Variants in CPA6 observed in about 807,000 individuals in gnomAD.
CPA6 encodes the protein carboxypeptidase A6, also known as carboxypeptidase B.
In CPA6, 58 loss-of-function variants were observed where a neutral mutation model predicts 63.3. The observed-to-expected ratio is 0.92, with a 90% CI of 0.74 to 1.14. The LOEUF is 1.14. CPA6 is among the 50% of genes most tolerant of loss of function. CPA6 has a pLI of 0.00. For synonymous variants in CPA6, 185 were observed against 179.0 expected (o/e 1.03, Z -0.27); for missense variants, 565 against 526.6 (o/e 1.07, Z -0.71).
intron 2 of CPA6, among the ~76,000 whole-genome samples, chr8:67,590,651 AT>A (rs1814094363): frequency 6.6e-6 from 1 of 152,030 alleles, no homozygotes; most frequent in Admixed American, 6.6e-5. Flanking sequence ...GATGATGAGC[AT>A]TTTTTCATGT....
chr8:67,583,174 G>T (rs149029018), intron 2 of CPA6, among the ~76,000 whole-genome samples: 1 of 152,088 alleles, frequency 6.6e-6, no homozygotes, highest in Admixed American at 6.6e-5. Context: ...CTGGGTAGTT[G>T]CGTGAAGATT....
At chr8:67,739,185 A>G (rs1365980874) in intron 1 of CPA6, among the ~76,000 whole-genome samples, 1 of 152,146 alleles carries the variant, frequency 6.6e-6, no homozygotes, top group Non-Finnish European at 1.5e-5. Context: ...TGACCCCCAT[A>G]CAGTCTGCCT....
chr8:67,525,355 G>A (rs1994221), intron 2 of CPA6, among the ~76,000 whole-genome samples: 62,167 of 152,016 alleles, frequency 0.41, 13,377 homozygotes, highest in African/African-American at 0.56. Context: ...CTAATTAGGC[G>A]TTGAAATAAT....
At chr8:67,601,317 A>G (rs557525542) in intron 2 of CPA6, among the ~76,000 whole-genome samples, 12 of 152,300 alleles carry the variant, frequency 7.9e-5, no homozygotes, top group African/African-American at 2.9e-4. Context: ...CACACTTTTA[A>G]AAACAACATA....
At chr8:67,728,852 G>C (rs944275378) in intron 1 of CPA6, among the ~76,000 whole-genome samples, 2 of 152,188 alleles carry the variant, frequency 1.3e-5, no homozygotes, top group South Asian at 2.1e-4. Flanking sequence ...GGATGGAGCT[G>C]GTGGTCCGAA....
Position 67,680,392 on chromosome 8 carries a change from A to G in CPA6, c.117-56141T>C, listed in dbSNP as rs558135229. Among the ~76,000 whole-genome samples, 10 of 151,206 alleles carry G rather than the reference A, an allele frequency of 6.6e-5. No individual in the cohort carries two copies. The East Asian group carries it at 2.0e-3, about 30-fold the overall frequency. The stretch of plus-strand genomic sequence containing the variant: ...GTGGTGTGTGTATGTAGTCCTAGCT[A>G]TTTAGGAGGCTGAGGTGGGAGGTCA... On this transcript the variant is annotated intron_variant, in intron 1 of 10. Transcript: ENST00000297770.
At position 67,703,932 on chromosome 8, in the gene CPA6, T is replaced by TG. The variant is rs1554536417; in HGVS notation, c.116+42081_116+42082insC. On this transcript the variant is annotated intron_variant, in intron 1 of 10. Coordinates refer to ENST00000297770, the MANE Select transcript of CPA6 (RefSeq NM_020361.5). ...GACCCCACTTACATGCTGCTTTTTT[T>TG]TTGTTGTTGTTGTTGTTTTTGTTTT... is the stretch of plus-strand genomic sequence containing the variant. Among the ~76,000 whole-genome samples, 551 of 150,120 alleles carry TG rather than the reference T, an allele frequency of 3.7e-3. 3 individuals carry two copies. The highest frequency in any genetic ancestry group is 0.013 in the African/African-American group (507 of 39,818).
chr8:67,692,199 G>C (rs1476006028), intron 1 of CPA6, among the ~76,000 whole-genome samples: 3 of 152,090 alleles, frequency 2.0e-5, no homozygotes, highest in Non-Finnish European at 2.9e-5. Flanking sequence ...AGCCGGGCAT[G>C]GTGGCGCATG....
chr8:67,671,867 A>G (rs1563386596), intron 1 of CPA6, among the ~76,000 whole-genome samples: 1 of 152,080 alleles, frequency 6.6e-6, no homozygotes, highest in East Asian at 1.9e-4. Flanking sequence ...ATTTCACTCT[A>G]TTGTGCAGGC....
At chr8:67,639,304 TC>T (rs754322054) in intron 1 of CPA6, among the ~76,000 whole-genome samples, 1 of 151,640 alleles carries the variant, frequency 6.6e-6, no homozygotes, top group African/African-American at 2.4e-5. Flanking sequence ...CCTGCTGGGC[TC>T]CTTCTGTTCT....
intron 2 of CPA6, among the ~76,000 whole-genome samples, chr8:67,521,161 C>T (rs538799918): frequency 3.9e-5 from 6 of 152,356 alleles, no homozygotes; most frequent in African/African-American, 1.4e-4. Flanking sequence ...CTGCAAGCAG[C>T]CATCTGATAC....
rs529593039 is a variant in CPA6 at position 67,536,303 on chromosome 8, C to T, written c.193-18256G>A. Reference sequence around the variant, plus strand: ...ACTTCTGGAAGTATGGCTATTTTCACGATATTGATTCTTCCTATCCATGAG... The same window carrying T: ...ACTTCTGGAAGTATGGCTATTTTCATGATATTGATTCTTCCTATCCATGAG... On this transcript the variant is annotated intron_variant, in intron 2 of 10. Coordinates refer to ENST00000297770, the MANE Select transcript of CPA6 (RefSeq NM_020361.5). Among the ~76,000 whole-genome samples, 28 of 152,264 alleles carry T rather than the reference C, an allele frequency of 1.8e-4. 1 individual carries two copies. The highest frequency in any genetic ancestry group is 1.4e-3 in the Admixed American group (21 of 15,294).
At chr8:67,586,652 A>G (rs995843144) in intron 2 of CPA6, among the ~76,000 whole-genome samples, 1 of 152,200 alleles carries the variant, frequency 6.6e-6, no homozygotes, top group African/African-American at 2.4e-5. Flanking sequence ...TGTTATGATT[A>G]AATAAGTCTG....
intron 2 of CPA6, among the ~76,000 whole-genome samples, chr8:67,558,505 T>C (rs1259871868): frequency 6.6e-6 from 1 of 152,216 alleles, no homozygotes; most frequent in African/African-American, 2.4e-5. Flanking sequence ...TCAATGTAAA[T>C]TTATTACTTT....
At chr8:67,668,040 A>C (rs1402251853) in intron 1 of CPA6, among the ~76,000 whole-genome samples, 1 of 152,226 alleles carries the variant, frequency 6.6e-6, no homozygotes, top group East Asian at 1.9e-4. Flanking sequence ...ATGGGTTTTA[A>C]AAAAGAGCCA....
At chr8:67,596,672 T>C (rs1814346212) in intron 2 of CPA6, among the ~76,000 whole-genome samples, 1 of 152,222 alleles carries the variant, frequency 6.6e-6, no homozygotes, top group Non-Finnish European at 1.5e-5. Context: ...TAGTACACGC[T>C]AATCTATAGA....
In CPA6 at chr8:67,687,953, G is replaced by A. The variant is rs186928210; in HGVS notation, c.116+58061C>T. ...TCCTAGTATGAAATAGATAATGGCA[G>A]TTACATTTATTAAAAATGATCACTT... On this transcript the variant is annotated intron_variant, in intron 1 of 10. Coordinates refer to ENST00000297770, the MANE Select transcript of CPA6 (RefSeq NM_020361.5). 4.9e-3 allele frequency among the ~76,000 whole-genome samples: 744 copies of A among 152,192 alleles called. 9 individuals carry two copies. The highest frequency in any genetic ancestry group is 0.017 in the African/African-American group (718 of 41,514).
At chr8:67,554,383 G>A (rs1301921636) in intron 2 of CPA6, among the ~76,000 whole-genome samples, 1 of 152,092 alleles carries the variant, frequency 6.6e-6, no homozygotes, top group South Asian at 2.1e-4. Context: ...AAACAACCAG[G>A]TTTCATGAGA....
chr8:67,720,409 CCTG>C (rs1477150167), intron 1 of CPA6, among the ~76,000 whole-genome samples: 1 of 152,166 alleles, frequency 6.6e-6, no homozygotes, highest in Non-Finnish European at 1.5e-5. Context: ...GGCTCAGAGG[CCTG>C]ACAGAAGCCA....
Sources: gnomAD v4.1 joint callset for allele counts (sites outside exome capture counted in the v4.1 genomes callset) on GRCh38, gnomAD v4.1.1 for gene constraint, MANE v1.5 for transcripts, NCBI Gene and HGNC (gene_info 2026-07-23, HGNC 2026-07-21) for gene names.